The following XIRP2 variants were observed in gnomAD, a reference collection of about 807,000 sequenced individuals.
The protein encoded by XIRP2 is xin actin-binding repeat-containing protein 2.
A neutral mutation model predicts 277.0 loss-of-function variants in XIRP2; 236 were observed. That is an observed-to-expected ratio of 0.85 (90% CI 0.77 to 0.95). XIRP2 has a LOEUF of 0.95. Ranked by LOEUF, XIRP2 falls within the 40% of genes least tolerant of loss-of-function variation. The pLI, the probability that XIRP2 is intolerant of heterozygous loss-of-function variation, is 0.00. For synonymous variants in XIRP2, 1,490 were observed against 1,416.5 expected, an observed-to-expected ratio of 1.05 and a Z score of -1.17; for missense variants, 4,640 against 4,157.5, an observed-to-expected ratio of 1.12 and a Z score of -3.19.
intron 3 of XIRP2, among the ~76,000 whole-genome samples, chr2:167,154,827 A>T (rs1340130365): frequency 3.3e-5 from 5 of 152,140 alleles, no homozygotes; most frequent in Non-Finnish European, 5.9e-5. Flanking sequence ...TGAAAGGATC[A>T]ACAAAATTGA....
intron 2 of XIRP2, among the ~76,000 whole-genome samples, chr2:167,007,748 G>A (rs1687546527): frequency 1.4e-5 from 2 of 147,820 alleles, no homozygotes; most frequent in African/African-American, 5.0e-5. Context: ...CATTAATGAA[G>A]CTTGGCAGAG....
At chr2:166,980,025 T>A (rs1213098633) in intron 2 of XIRP2, among the ~76,000 whole-genome samples, 4 of 152,178 alleles carry the variant, frequency 2.6e-5, no homozygotes, top group South Asian at 2.1e-4. Context: ...TTCAATTTTT[T>A]AAATACATAT....
intron 2 of XIRP2, among the ~76,000 whole-genome samples, chr2:167,046,323 T>A (rs1330947405): frequency 2.0e-5 from 3 of 152,032 alleles, no homozygotes; most frequent in African/African-American, 2.4e-5. Context: ...CCATTCACTA[T>A]GATGTTGACT....
rs371321540 is a variant in XIRP2 at position 167,243,020 on chromosome 2, G to C, written c.1628G>C (p.Arg543Pro). 1.5e-5 allele frequency: 25 copies of C among 1,613,758 alleles called. No individual in the cohort carries two copies. The highest frequency in any genetic ancestry group is 2.0e-5 in the Non-Finnish European group (24 of 1,179,944). ...SSVSADVQQA[R>P]YVFENTNDSS... is the part of the protein sequence containing the mutation. ...GTCTCAGCAGATGTGCAACAAGCCC[G>C]GTATGTTTTTGAAAACACAAATGAC... Residue 543 changes from arginine (R) to proline (P), a missense_variant, in exon 9 of 11, where the codon CGG (arginine) becomes CCG (proline). Coordinates refer to ENST00000409195, the MANE Select transcript of XIRP2 (RefSeq NM_152381.6).
At chr2:167,030,062 C>T (rs181429795) in intron 2 of XIRP2, among the ~76,000 whole-genome samples, 22 of 152,088 alleles carry the variant, frequency 1.4e-4, no homozygotes, top group Admixed American at 7.9e-4. Flanking sequence ...TGGTGATCTC[C>T]GCTTTATCAT....
At chr2:167,089,591 A>G (rs1690081127) in intron 2 of XIRP2, among the ~76,000 whole-genome samples, 1 of 151,958 alleles carries the variant, frequency 6.6e-6, no homozygotes, top group African/African-American at 2.4e-5. Flanking sequence ...CTTAATGCAT[A>G]TGTGTGTGTG....
rs374487001 is a variant in XIRP2, at chr2:166,964,009, G to A, written c.408+60119G>A. 2.7e-4 allele frequency among the ~76,000 whole-genome samples: 41 copies of A among 151,838 alleles called. 1 individual carries two copies. Among genetic ancestry groups the A allele is most frequent in the Middle Eastern group, 3.4e-3 (1 of 294 alleles). On this transcript the variant is annotated intron_variant, in intron 2 of 10. Coordinates refer to ENST00000409195, the MANE Select transcript of XIRP2 (RefSeq NM_152381.6). ...CAGGTGGTGGGAGACAGGATATATTGTTAGAGTAGATCTTAAAGGACTTGG... is the reference window on the plus strand; with the variant it reads ...CAGGTGGTGGGAGACAGGATATATTATTAGAGTAGATCTTAAAGGACTTGG...
At chr2:167,201,920 G>T (rs1367002313) in intron 3 of XIRP2, among the ~76,000 whole-genome samples, 1 of 152,070 alleles carries the variant, frequency 6.6e-6, no homozygotes, top group Non-Finnish European at 1.5e-5. Flanking sequence ...AATCAACTCC[G>T]GGTTCAGCTA....
At chr2:167,032,016 A>G (rs1688377266) in intron 2 of XIRP2, among the ~76,000 whole-genome samples, 1 of 152,194 alleles carries the variant, frequency 6.6e-6, no homozygotes, top group African/African-American at 2.4e-5. Context: ...AGCAATAAGA[A>G]CAAAGCTGGA....
At chr2:167,136,160 T>A in intron 3 of XIRP2, 98 bp downstream of exon 3, 1 of 1,237,624 alleles carries the variant, frequency 8.1e-7, no homozygotes, top group Non-Finnish European at 1.1e-6. Flanking sequence ...TAAAAATTAG[T>A]AAGGAAAATA....
intron 2 of XIRP2, among the ~76,000 whole-genome samples, chr2:166,929,398 T>A (rs1685269578): frequency 6.6e-6 from 1 of 152,184 alleles, no homozygotes; most frequent in Non-Finnish European, 1.5e-5. Flanking sequence ...AAAGCAAAGA[T>A]TTCAGGGATT....
intron 3 of XIRP2, among the ~76,000 whole-genome samples, chr2:167,175,578 T>G (rs1692817968): frequency 6.6e-6 from 1 of 152,182 alleles, no homozygotes; most frequent in African/African-American, 2.4e-5. Context: ...TGTTGACCCC[T>G]GCTGGGAGGT....
intron 2 of XIRP2, among the ~76,000 whole-genome samples, chr2:167,130,684 A>G (rs567336887): frequency 6.6e-6 from 1 of 151,294 alleles, no homozygotes; most frequent in South Asian, 2.1e-4. Context: ...AATCCAACTT[A>G]CATTGCACAG....
intron 2 of XIRP2, among the ~76,000 whole-genome samples, chr2:166,939,730 A>C (rs1262982098): frequency 2.0e-5 from 3 of 151,854 alleles, no homozygotes; most frequent in African/African-American, 7.3e-5. Flanking sequence ...AAAACAAAAA[A>C]AAAACAAAGA....
At chr2:167,223,091 CT>C (rs1280052250) in intron 5 of XIRP2, among the ~76,000 whole-genome samples, 3 of 152,138 alleles carry the variant, frequency 2.0e-5, no homozygotes, top group African/African-American at 7.2e-5. Context: ...TAGGATTTGA[CT>C]TTCATCTTCT....
chr2:167,142,789 G>A (rs1374941475), intron 3 of XIRP2, among the ~76,000 whole-genome samples: 1 of 152,126 alleles, frequency 6.6e-6, no homozygotes. Context: ...TGCCAGAGAA[G>A]TTTGATGACA....
At chr2:167,089,084 T>A (rs895684122) in intron 2 of XIRP2, among the ~76,000 whole-genome samples, 3 of 152,136 alleles carry the variant, frequency 2.0e-5, no homozygotes, top group Non-Finnish European at 4.4e-5. Context: ...CCTGTCAACT[T>A]AGTACACCAG....
At chr2:167,219,873 T>C (rs1694371730) in intron 5 of XIRP2, among the ~76,000 whole-genome samples, 1 of 152,196 alleles carries the variant, frequency 6.6e-6, no homozygotes. Flanking sequence ...AATATTTCCA[T>C]ATCTGTGAAA....
chr2:167,057,102 T>G (rs1689054623), intron 2 of XIRP2, among the ~76,000 whole-genome samples: 1 of 152,196 alleles, frequency 6.6e-6, no homozygotes. Flanking sequence ...CAAGGATCAC[T>G]AAATATTTAT....
Sources: allele counts gnomAD v4.1 joint callset (sites outside exome capture counted in the v4.1 genomes callset), GRCh38; gene constraint gnomAD v4.1.1; transcripts MANE v1.5; gene names NCBI Gene and HGNC (gene_info 2026-07-23, HGNC 2026-07-21).